The following TMEM260 variants were observed in gnomAD, a reference collection of about 807,000 sequenced individuals.
TMEM260 encodes the protein transmembrane protein 260.
Under a neutral mutation model 88.9 loss-of-function variants are expected in TMEM260, and 82 were observed. The ratio of observed to expected loss-of-function variants is 0.92; its 90% confidence interval spans 0.77 to 1.11. The LOEUF (loss-of-function observed/expected upper bound fraction) is 1.11. TMEM260 is among the 50% of genes least tolerant of loss of function. The pLI, the probability that TMEM260 is intolerant of heterozygous loss-of-function variation, is 0.00. For missense variants in TMEM260, 902 were observed against 853.4 expected, an observed-to-expected ratio of 1.06 and a Z score of -0.71; for synonymous variants, 314 against 309.3, an observed-to-expected ratio of 1.02 and a Z score of -0.16.
At chr14:56,634,122 G>GAGAA (rs1316632396) in intron 13 of TMEM260, among the ~76,000 whole-genome samples, 2 of 152,120 alleles carry the variant, frequency 1.3e-5, no homozygotes, top group African/African-American at 2.4e-5. Context: ...AAATTTTTAA[G>GAGAA]AGAAAGAAAA....
intron 12 of TMEM260, among the ~76,000 whole-genome samples, chr14:56,627,473 A>G (rs1433375649): frequency 6.6e-6 from 1 of 152,194 alleles, no homozygotes; most frequent in African/African-American, 2.4e-5. Context: ...AAATAAAACT[A>G]TTAGGAGATA....
intron 15 of TMEM260, among the ~76,000 whole-genome samples, chr14:56,645,150 A>G (rs2093587694): frequency 6.6e-6 from 1 of 151,240 alleles, no homozygotes; most frequent in South Asian, 2.1e-4. Flanking sequence ...CTGGGTATAT[A>G]CCCAAAGGAT....
chr14:56,632,554 T>TG (rs1218996056), intron 12 of TMEM260, among the ~76,000 whole-genome samples: 1 of 145,500 alleles, frequency 6.9e-6, no homozygotes, highest in Non-Finnish European at 1.5e-5. Flanking sequence ...CTGCAAAAAA[T>TG]GGGGGGACTT....
At chr14:56,599,382 C>G (rs757559359) in intron 3 of TMEM260, among the ~76,000 whole-genome samples, 2 of 152,088 alleles carry the variant, frequency 1.3e-5, no homozygotes, top group African/African-American at 2.4e-5. Flanking sequence ...TGTGTACTGA[C>G]GCTCCTGCTC....
At position 56,649,273 on chromosome 14, in the gene TMEM260, A is replaced by C. The variant is rs1277046371; in HGVS notation, c.*1776A>C. On this transcript the variant is annotated 3_prime_UTR_variant, in exon 16 of 16. Coordinates refer to ENST00000261556, the MANE Select transcript of TMEM260 (RefSeq NM_017799.4). ...TTGAAGTTGTTGAGTACTAATTGGCAAAGACTTTTAATCATGGGCCAAGAA... is the reference window on the plus strand; with the variant it reads ...TTGAAGTTGTTGAGTACTAATTGGCCAAGACTTTTAATCATGGGCCAAGAA... The C allele has an allele frequency of 6.5e-6, 1 of 152,678 alleles. No homozygotes were observed. The highest frequency in any genetic ancestry group is 1.5e-5 in the Non-Finnish European group (1 of 68,038). 9.5% of individuals were successfully genotyped at this position (152,678 alleles called of 1,614,324 possible).
intron 6 of TMEM260, 108 bp downstream of exon 6, chr14:56,609,393 G>A (rs943956158): frequency 9.7e-7 from 1 of 1,034,164 alleles, no homozygotes; most frequent in African/African-American, 1.6e-5. Flanking sequence ...TAGATCAAAT[G>A]TTTGTTTTGG....
At chr14:56,644,128 A>C (rs1327689952) in intron 15 of TMEM260, among the ~76,000 whole-genome samples, 4 of 152,316 alleles carry the variant, frequency 2.6e-5, no homozygotes, top group Non-Finnish European at 5.9e-5. Context: ...GCTACCAATG[A>C]CTTTCTTCAC....
Position 56,636,520 on chromosome 14 carries a change from G to T in TMEM260, c.1791G>T (p.Pro597=), listed in dbSNP as rs149607582. ...TCCCCACCCCCAGGATGAAAACACC[G>T]TTCTTCATCTTTAACCTGGCAGAAA... The part of the protein sequence containing the change: ...EEMWQARMKT[P]FFIFNLAETA... The change falls in exon 15 of 16, where the codon CCG becomes CCT. Residue 597 remains proline, a synonymous_variant. Coordinates refer to ENST00000261556, the MANE Select transcript of TMEM260 (RefSeq NM_017799.4). The T allele has an allele frequency of 6.2e-7, 1 of 1,613,800 alleles. No homozygotes were observed. The highest frequency in any genetic ancestry group is 8.5e-7 in the Non-Finnish European group (1 of 1,179,870).
intron 3 of TMEM260, among the ~76,000 whole-genome samples, chr14:56,594,360 TAATC>T (rs1358179512): frequency 5.9e-5 from 9 of 152,240 alleles, no homozygotes; most frequent in Non-Finnish European, 1.0e-4. Flanking sequence ...GTTGAAGTAA[TAATC>T]AATTTCAGTG....
rs776759166 is a variant in TMEM260 at position 56,579,939 on chromosome 14, G to T, written c.25G>T (p.Gly9Cys). MSPHGDGR[G>C]QAQGRAVRVG... ...CATGAGTCCCCATGGCGACGGCAGG[G>T]GCCAGGCCCAGGGGCGGGCAGTCCG... The change falls in exon 1 of 16, where the codon GGC becomes TGC. Residue 9 changes from glycine (G) to cysteine (C), a missense_variant. Gly to Cys is a radical substitution (Grantham distance 159). Coordinates refer to ENST00000261556, the MANE Select transcript of TMEM260 (RefSeq NM_017799.4). The T allele has an allele frequency of 2.4e-6, 3 of 1,236,588 alleles. No homozygotes were observed. The highest frequency in any genetic ancestry group is 3.0e-6 in the Non-Finnish European group (3 of 988,170). The allele number at this position is 1,236,588 out of a possible 1,614,324, so 76.6% of individuals were successfully genotyped here.
chr14:56,630,412 A>T (rs1238102535), intron 12 of TMEM260, among the ~76,000 whole-genome samples: 2 of 151,622 alleles, frequency 1.3e-5, no homozygotes, highest in African/African-American at 4.8e-5. Flanking sequence ...GTATTGTCCC[A>T]CAGATGCCTG....
At chr14:56,636,183 T>TGGCAGA (rs994709608) in intron 14 of TMEM260, among the ~76,000 whole-genome samples, 27 of 152,314 alleles carry the variant, frequency 1.8e-4, no homozygotes, top group Non-Finnish European at 3.8e-4. Flanking sequence ...AGGGATGTGT[T>TGGCAGA]GGCAGACTCA....
At chr14:56,622,101 T>C (rs1250639538) in intron 11 of TMEM260, among the ~76,000 whole-genome samples, 2 of 152,102 alleles carry the variant, frequency 1.3e-5, no homozygotes, top group African/African-American at 2.4e-5. Flanking sequence ...CCCAGCACTT[T>C]GGGAGGCTGA....
intron 1 of TMEM260, among the ~76,000 whole-genome samples, 187 bp from the exon 2 acceptor site, chr14:56,584,814 G>A (rs1238599235): frequency 1.3e-5 from 2 of 152,128 alleles, no homozygotes; most frequent in Non-Finnish European, 2.9e-5. Context: ...ATCAAAGATA[G>A]TTTGTTCAAT....
In TMEM260 at chr14:56,584,602, A is replaced by G. The variant is rs537069441; in HGVS notation, c.161-399A>G. 1.8e-3 allele frequency among the ~76,000 whole-genome samples: 277 copies of G among 152,194 alleles called. 2 individuals are homozygous for G. The highest frequency in any genetic ancestry group is 6.5e-3 in the African/African-American group (272 of 41,546). Reference sequence around the variant, plus strand: ...ATTTTATGGAGTGTCCAAACCTCAGATGTCTGCGCATTTTACCTTACTATA... The same window carrying G: ...ATTTTATGGAGTGTCCAAACCTCAGGTGTCTGCGCATTTTACCTTACTATA... On this transcript the variant is annotated intron_variant, in intron 1 of 15. Transcript: ENST00000261556.
intron 15 of TMEM260, among the ~76,000 whole-genome samples, chr14:56,643,651 T>A (rs1056652612): frequency 1.7e-3 from 263 of 152,298 alleles, no homozygotes; most frequent in Non-Finnish European, 1.6e-3. Flanking sequence ...TGTTGGAAGT[T>A]CTGGCCAGGG....
chr14:56,603,772 CT>C (rs766809865), intron 3 of TMEM260, 42 bp from the exon 4 acceptor site: 1 of 1,610,916 alleles, frequency 6.2e-7, no homozygotes, highest in Non-Finnish European at 8.5e-7. Context: ...AAAGTTAGTT[CT>C]TTTTGTTGGA....
At chr14:56,652,236 C>T (rs530575963), downstream of TMEM260, among the ~76,000 whole-genome samples, 4 of 152,284 alleles carry the variant, frequency 2.6e-5, no homozygotes, top group South Asian at 8.3e-4. Context: ...TGGCTCATGC[C>T]TGTAATGCCA....
At chr14:56,579,643 T>G (rs1255543442), upstream of TMEM260, 1 of 369,512 alleles carries the variant, frequency 2.7e-6, no homozygotes, top group Non-Finnish European at 4.8e-6. Flanking sequence ...AATGCTCTCC[T>G]GGTGATTAGG....
Sources: allele counts gnomAD v4.1 joint callset (sites outside exome capture counted in the v4.1 genomes callset), GRCh38; gene constraint gnomAD v4.1.1; transcripts MANE v1.5; gene names NCBI Gene and HGNC (gene_info 2026-07-23, HGNC 2026-07-21).